DOT1L: variants seen among roughly 807,000 people sequenced by gnomAD.
DOT1L encodes histone-lysine N-methyltransferase, H3 lysine-79 specific.
Under a neutral mutation model 153.3 loss-of-function variants are expected in DOT1L, and 33 were observed. That is an observed-to-expected ratio of 0.22 (90% CI 0.16 to 0.29). DOT1L has a LOEUF of 0.29. Ranked by LOEUF, DOT1L falls within the 10% of genes least tolerant of loss-of-function variation. The pLI is 1.00. For missense variants in DOT1L, 1,847 were observed against 2,119.9 expected (o/e 0.87, Z 2.53); for synonymous variants, 1,135 against 965.1 (o/e 1.18, Z -3.26).
chr19:2,169,702 G>GC (rs746173282), intron 1 of DOT1L, among the ~76,000 whole-genome samples: 86 of 152,302 alleles, frequency 5.6e-4, no homozygotes, highest in Middle Eastern at 3.4e-3. Context: ...CTGCTCATCA[G>GC]AGTGTATATT....
In DOT1L at chr19:2,230,900, C is replaced by G. The variant is rs888852516; in HGVS notation, c.*1108C>G. On this transcript the variant is annotated 3_prime_UTR_variant, in exon 28 of 28. Transcript: ENST00000398665. ...TTCCTGTCAGGGCCACGCCTGGCAC[C>G]CATCCCTTGGAGCCTGTGCTGGTTC... 13 of 303,786 alleles carry G rather than the reference C, an allele frequency of 4.3e-5. No homozygotes were observed. The highest frequency in any genetic ancestry group is 5.4e-5 in the Non-Finnish European group (9 of 166,128). 18.8% of individuals were successfully genotyped at this position (303,786 alleles called of 1,614,324 possible).
At chr19:2,188,505 G>A (rs1395614926) in intron 3 of DOT1L, among the ~76,000 whole-genome samples, 1 of 91,076 alleles carries the variant, frequency 1.1e-5, no homozygotes, top group Admixed American at 1.0e-4. Flanking sequence ...ACCCGCACAG[G>A]TGCAGGCCCC....
intron 7 of DOT1L, 49 bp from the exon 8 acceptor site, chr19:2,199,835 A>C (rs1438182849): frequency 6.3e-7 from 1 of 1,598,270 alleles, no homozygotes; most frequent in Admixed American, 1.7e-5. Context: ...GCGGGCTGGG[A>C]GTGCCAGGGA....
chr19:2,214,255 A>G (rs895819995), intron 18 of DOT1L: 2 of 877,248 alleles, frequency 2.3e-6, no homozygotes, highest in Non-Finnish European at 3.4e-6. Context: ...GCATCCCACC[A>G]TCGTGGTGTG....
intron 3 of DOT1L, among the ~76,000 whole-genome samples, chr19:2,186,456 T>C (rs541117142): frequency 7.9e-5 from 12 of 152,192 alleles, no homozygotes; most frequent in African/African-American, 2.9e-4. Flanking sequence ...TTGTTTTTCT[T>C]TGACAAGGAA....
intron 27 of DOT1L, chr19:2,228,260 C>A: frequency 7.3e-7 from 1 of 1,361,564 alleles, no homozygotes; most frequent in South Asian, 1.1e-5. Context: ...TCCCACAGGC[C>A]AGCGCCACGG....
chr19:2,179,034 T>A (rs961226304), intron 1 of DOT1L, among the ~76,000 whole-genome samples: 2 of 152,050 alleles, frequency 1.3e-5, no homozygotes, highest in Non-Finnish European at 2.9e-5. Flanking sequence ...GTCTCCTGTC[T>A]CCCCTATCTA....
chr19:2,185,206 A>G (rs2022437273), intron 2 of DOT1L, among the ~76,000 whole-genome samples: 2 of 152,108 alleles, frequency 1.3e-5, no homozygotes, highest in Admixed American at 6.6e-5. Flanking sequence ...ACCCGGCACC[A>G]GTTGGCTTTA....
chr19:2,222,201 G>A lies in DOT1L; in HGVS notation c.3032G>A (p.Arg1011Gln), dbSNP rs367688361. 1.5e-5 allele frequency: 25 copies of A among 1,612,932 alleles called. No individual in the cohort carries two copies. Among genetic ancestry groups the A allele is most frequent in the South Asian group, 1.4e-4 (13 of 91,072 alleles). Residue 1011 changes from arginine to glutamine, a missense_variant, in exon 24 of 28, where the codon CGG becomes CAG. This residue lies in a region of DOT1L where 934 missense variants were observed against 825.3 expected (regional missense o/e 1.13). Coordinates refer to ENST00000398665, the MANE Select transcript of DOT1L (RefSeq NM_032482.3). This position sits in a 1 kb window ranked among gnomAD's most constrained non-coding sequence, Gnocchi z 6.5. The stretch of plus-strand genomic sequence containing the variant: ...GCCCACCAGCTCTCCTCCAGTCCCC[G>A]GCTTGGTGGGGCCGCCCAGGGCCCG... ...SPAHQLSSSP[R>Q]LGGAAQGPLP...
At position 2,222,421 on chromosome 19, in the gene DOT1L, C is replaced by A; in HGVS notation, c.3252C>A (p.Arg1084=). 1 of 1,610,174 alleles carries A rather than the reference C, an allele frequency of 6.2e-7. No individual in the cohort carries two copies. The highest frequency in any genetic ancestry group is 8.5e-7 in the Non-Finnish European group (1 of 1,178,712). ...DCVPSHGQDS[R]RRGRRKRASA... ...TGCCGAGCCACGGGCAGGACAGTCG[C>A]AGGCGCGGCCGGCGGAAGCGAGCAT... is the stretch of plus-strand genomic sequence containing the variant. The change falls in exon 24 of 28, where the codon CGC becomes CGA. Residue 1084 remains arginine, a synonymous_variant. Transcript: ENST00000398665. The surrounding 1 kb of genome is among the most constrained non-coding windows in gnomAD (Gnocchi z 6.5).
In DOT1L at chr19:2,206,772, C is replaced by T. The variant is rs1261628268; in HGVS notation, c.831C>T (p.Phe277=). The change falls in exon 10 of 28, where the codon TTC becomes TTT. Residue 277 remains phenylalanine, a synonymous_variant. Transcript: ENST00000398665. ...CGAAACCCTTTGCACCTCTGAACTT[C>T]AGAATAAACAGTAGAAACTTGAGTG... ...VSSKPFAPLN[F]RINSRNLSDI... is the part of the protein sequence containing the mutation. The T allele has an allele frequency of 6.2e-7, 1 of 1,613,938 alleles. No individual in the cohort carries two copies. The highest frequency in any genetic ancestry group is 1.1e-5 in the South Asian group (1 of 91,076).
Position 2,226,962 on chromosome 19 carries a change from C to G in DOT1L, c.4441C>G (p.Leu1481Val). 1.3e-6 allele frequency: 2 copies of G among 1,591,094 alleles called. No homozygotes were observed. Among genetic ancestry groups the G allele is most frequent in the South Asian group, 2.2e-5 (2 of 89,750 alleles). The change falls in exon 27 of 28, where the codon CTG (leucine) becomes GTG (valine). Residue 1481 changes from leucine to valine, a missense_variant. Physicochemically the swap from Leu to Val is conservative, Grantham distance 32 (BLOSUM62 1). This residue lies in a region of DOT1L where 934 missense variants were observed against 825.3 expected (regional missense o/e 1.13). Coordinates refer to ENST00000398665, the MANE Select transcript of DOT1L (RefSeq NM_032482.3). ...GPQFALGPMS[L>V]QANLGSVAGS... ...GCAGTTCGCGCTCGGCCCCATGTCC[C>G]TGCAGGCCAACCTCGGCTCCGTGGC...
At chr19:2,227,416 C>T (rs1469845146) in intron 27 of DOT1L, 7 of 658,524 alleles carry the variant, frequency 1.1e-5, no homozygotes, top group East Asian at 9.7e-5. Flanking sequence ...TGGAGGTCAC[C>T]TGCTAGGTGT....
At chr19:2,164,542 C>G (rs937334008) in intron 1 of DOT1L, 1 of 273,782 alleles carries the variant, frequency 3.7e-6, no homozygotes, top group South Asian at 1.7e-4. Context: ...GTCCCGGGCG[C>G]GGAACGGAAG....
chr19:2,207,732 G>T lies in DOT1L; in HGVS notation c.963+52G>T. 2 of 1,486,102 alleles carry T rather than the reference G, an allele frequency of 1.3e-6. No homozygotes were observed. The highest frequency in any genetic ancestry group is 1.8e-6 in the Non-Finnish European group (2 of 1,093,352). The allele number at this position is 1,486,102 out of a possible 1,614,324, so 92.1% of individuals were successfully genotyped here. On this transcript the variant is annotated intron_variant, in intron 11 of 27. Coordinates refer to ENST00000398665, the MANE Select transcript of DOT1L (RefSeq NM_032482.3). This position sits in a 1 kb window ranked among gnomAD's most constrained non-coding sequence, Gnocchi z 4.5. Reference sequence around the variant, plus strand: ...CAGGGCCGTCCTGGTCTTCCACCCCGCCCACGTCACACTGCTCTCTCCTTT... The same window carrying T: ...CAGGGCCGTCCTGGTCTTCCACCCCTCCCACGTCACACTGCTCTCTCCTTT...
rs757080776 is a variant in DOT1L, at chr19:2,222,412, G to A, written c.3243G>A (p.Gln1081=). The part of the protein sequence containing the change: ...ARGDCVPSHG[Q]DSRRRGRRKR... ...GGGACTGTGTGCCGAGCCACGGGCA[G>A]GACAGTCGCAGGCGCGGCCGGCGGA... The change falls in exon 24 of 28, where the codon CAG becomes CAA. Residue 1081 remains glutamine (Q), a synonymous_variant. Transcript: ENST00000398665. This position sits in a 1 kb window ranked among gnomAD's most constrained non-coding sequence, Gnocchi z 6.5. 6.2e-7 allele frequency: 1 copy of A among 1,610,846 alleles called. No homozygotes were observed. Among genetic ancestry groups the A allele is most frequent in the Non-Finnish European group, 8.5e-7 (1 of 1,179,002 alleles).
rs1205771504 is a variant in DOT1L, at chr19:2,207,778, C to T, written c.963+98C>T. 1 of 1,144,350 alleles carries T rather than the reference C, an allele frequency of 8.7e-7. No individual in the cohort carries two copies. Among genetic ancestry groups the T allele is most frequent in the East Asian group, 2.5e-5 (1 of 39,590 alleles). 70.9% of individuals were successfully genotyped at this position (1,144,350 alleles called of 1,614,324 possible). On this transcript the variant is annotated intron_variant, in intron 11 of 27. Transcript: ENST00000398665. This position sits in a 1 kb window ranked among gnomAD's most constrained non-coding sequence, Gnocchi z 4.5. ...CCTTTCTCATGTGGCCTCTGAGACC[C>T]TCCCCTCAGAGCCCTCAACGCCCCC... is the stretch of plus-strand genomic sequence containing the variant.
intron 3 of DOT1L, among the ~76,000 whole-genome samples, chr19:2,187,273 G>C (rs2022556221): frequency 6.6e-6 from 1 of 152,244 alleles, no homozygotes; most frequent in African/African-American, 2.4e-5. Flanking sequence ...ACCTGGGGCA[G>C]TTATGGCACC....
intron 15 of DOT1L, 43 bp from the exon 16 acceptor site, chr19:2,211,708 C>G: frequency 6.6e-7 from 1 of 1,512,960 alleles, no homozygotes. Context: ...CCCTCTCAGT[C>G]TCAGCTGCTC....
Sources: gnomAD v4.1 joint callset for allele counts (sites outside exome capture counted in the v4.1 genomes callset) on GRCh38, gnomAD v4.1.1 for gene constraint, gnomAD v4.1.1 regional missense constraint, Gnocchi (gnomAD v3.1) non-coding constraint, MANE v1.5 for transcripts, NCBI Gene and HGNC (gene_info 2026-07-23, HGNC 2026-07-21) for gene names.